RALGAPA2: variants seen among roughly 807,000 people sequenced by gnomAD.
The protein encoded by RALGAPA2 is Ral GTPase activating protein catalytic subunit alpha 2, also known as ral GTPase-activating protein subunit alpha-2.
A neutral mutation model predicts 230.4 loss-of-function variants in RALGAPA2; 139 were observed. That is an observed-to-expected ratio of 0.60 (90% CI 0.53 to 0.69). RALGAPA2 has a LOEUF of 0.69. RALGAPA2 is among the 30% of genes least tolerant of loss of function. The probability of loss-of-function intolerance (pLI) is 0.00; values close to 1 mark genes in which losing one functional copy is unlikely to be tolerated. For synonymous variants in RALGAPA2, 847 were observed against 837.8 expected (o/e 1.01, Z -0.19); for missense variants, 2,163 against 2,276.0 (o/e 0.95, Z 1.01).
chr20:20,393,180 C>T lies in RALGAPA2; in HGVS notation c.*109G>A, dbSNP rs1293768816. Reference sequence around the variant, plus strand: ...TGGGTTTAGTGGCTCGGGGCAGAGGCAGGAGAGGGTGTTCTGTCTCCTCCT... The same window carrying T: ...TGGGTTTAGTGGCTCGGGGCAGAGGTAGGAGAGGGTGTTCTGTCTCCTCCT... On this transcript the variant is annotated 3_prime_UTR_variant, in exon 40 of 40. Transcript: ENST00000202677. 2 of 1,350,628 alleles carry T rather than the reference C, an allele frequency of 1.5e-6. No individual in the cohort carries two copies. The highest frequency in any genetic ancestry group is 1.2e-5 in the South Asian group (1 of 85,134). 83.7% of individuals were successfully genotyped at this position (1,350,628 alleles called of 1,614,324 possible).
chr20:20,681,615 A>G (rs931587089), intron 1 of RALGAPA2, among the ~76,000 whole-genome samples: 1 of 152,218 alleles, frequency 6.6e-6, no homozygotes, highest in African/African-American at 2.4e-5. Context: ...TCAGTAAACA[A>G]GGTTGTTTGT....
chr20:20,514,362 C>T (rs2062808812), intron 31 of RALGAPA2, among the ~76,000 whole-genome samples: 1 of 152,098 alleles, frequency 6.6e-6, no homozygotes. Flanking sequence ...GCAGGGAGCC[C>T]CTCTCTGCTT....
At position 20,502,028 on chromosome 20, in the gene RALGAPA2, C is replaced by T. The variant is rs761157124; in HGVS notation, c.5208+1323G>A. Among the ~76,000 whole-genome samples the T allele has an allele frequency of 2.0e-4, 31 of 152,054 alleles. 1 individual carries two copies. The highest frequency in any genetic ancestry group is 1.5e-5 in the Non-Finnish European group (1 of 68,016). On this transcript the variant is annotated intron_variant, in intron 35 of 39. Coordinates refer to ENST00000202677, the MANE Select transcript of RALGAPA2 (RefSeq NM_020343.4). ...TAGCAACATCAAAGGTCACTGATTA[C>T]AGATCACCATATGAGATAATGATAA... is the stretch of plus-strand genomic sequence containing the variant.
Position 20,712,305 on chromosome 20 carries a change from C to G in RALGAPA2, c.106+70G>C, listed in dbSNP as rs2069914667. On this transcript the variant is annotated intron_variant, in intron 1 of 39. Coordinates refer to ENST00000202677, the MANE Select transcript of RALGAPA2 (RefSeq NM_020343.4). This position sits in a 1 kb window ranked among gnomAD's most constrained non-coding sequence, Gnocchi z 5.5. Reference sequence around the variant, plus strand: ...AGCCTCCCAGCCACCGACCCCTGCACAGAGGAGCGCCCTCCCGGCAGGTGC... The same window carrying G: ...AGCCTCCCAGCCACCGACCCCTGCAGAGAGGAGCGCCCTCCCGGCAGGTGC... The G allele has an allele frequency of 1.4e-6, 2 of 1,461,090 alleles. No homozygotes were observed. The highest frequency in any genetic ancestry group is 1.9e-6 in the Non-Finnish European group (2 of 1,079,458). 90.5% of individuals were successfully genotyped at this position (1,461,090 alleles called of 1,614,324 possible).
chr20:20,567,311 CA>C (rs2064463251), intron 23 of RALGAPA2, among the ~76,000 whole-genome samples: 1 of 152,142 alleles, frequency 6.6e-6, no homozygotes, highest in Non-Finnish European at 1.5e-5. Context: ...TCTTTCATGT[CA>C]AACTATTTTG....
At chr20:20,431,482 G>T (rs1429828075) in intron 37 of RALGAPA2, among the ~76,000 whole-genome samples, 1 of 152,166 alleles carries the variant, frequency 6.6e-6, no homozygotes, top group South Asian at 2.1e-4. Context: ...AGACCAGACA[G>T]GTTTAATGGA....
At chr20:20,561,198 C>G (rs997215522) in intron 23 of RALGAPA2, among the ~76,000 whole-genome samples, 1 of 152,232 alleles carries the variant, frequency 6.6e-6, no homozygotes, top group African/African-American at 2.4e-5. Context: ...TTAGTGTCTC[C>G]TGATGATGAG....
chr20:20,592,511 C>T (rs1439609613), intron 16 of RALGAPA2, among the ~76,000 whole-genome samples: 1 of 152,174 alleles, frequency 6.6e-6, no homozygotes, highest in Admixed American at 6.5e-5. Context: ...ATGCAAGCCC[C>T]ATTGCTCTGT....
intron 9 of RALGAPA2, 59 bp downstream of exon 9, chr20:20,635,359 T>A (rs778752966): frequency 6.8e-7 from 1 of 1,479,050 alleles, no homozygotes; most frequent in Admixed American, 1.9e-5. Flanking sequence ...ACTTTGGCTA[T>A]GTTCCAGTGT....
At chr20:20,609,100 A>T (rs1283018132) in intron 14 of RALGAPA2, among the ~76,000 whole-genome samples, 1 of 152,150 alleles carries the variant, frequency 6.6e-6, no homozygotes, top group Non-Finnish European at 1.5e-5. Flanking sequence ...GGTTCAAGCA[A>T]TCTTCCCACC....
Position 20,643,844 on chromosome 20 carries a change from C to CT in RALGAPA2, c.329-296dup, listed in dbSNP as rs147932263. Among the ~76,000 whole-genome samples, 849 of 147,666 alleles carry CT rather than the reference C, an allele frequency of 5.7e-3. 7 individuals are homozygous for CT. The highest frequency in any genetic ancestry group is 0.02 in the African/African-American group (803 of 40,300). On this transcript the variant is annotated intron_variant, in intron 4 of 39. Coordinates refer to ENST00000202677, the MANE Select transcript of RALGAPA2 (RefSeq NM_020343.4). ...TCTCTTGTCATGCATAAAATGGATG[C>CT]TTTTTTTTTTAATCTCTAAAGGTAA...
At chr20:20,703,096 C>G (rs1011452330) in intron 1 of RALGAPA2, among the ~76,000 whole-genome samples, 1 of 152,004 alleles carries the variant, frequency 6.6e-6, no homozygotes. Context: ...TCACTTCAAC[C>G]CAGGAGGCAG....
At chr20:20,535,946 G>A (rs965576039) in intron 25 of RALGAPA2, 143 bp from the exon 26 acceptor site, 5 of 1,332,904 alleles carry the variant, frequency 3.8e-6, no homozygotes, top group Non-Finnish European at 4.9e-6. Context: ...GAGCCTGGGG[G>A]GAAGAAGAAC....
In RALGAPA2 at chr20:20,412,031, T is replaced by C; in HGVS notation, c.5613A>G (p.Gly1871=). ...FSPSPSYSLS[G]TD is the part of the protein sequence containing the mutation. ...AAGAATAATGTAGACACTCACCCGT[T>C]CCGCTGAGGGAGTAGCTGGGAGAGG... The change falls in exon 38 of 40, where the codon GGA becomes GGG. Residue 1871 remains glycine (G), a synonymous_variant. Coordinates refer to ENST00000202677, the MANE Select transcript of RALGAPA2 (RefSeq NM_020343.4). 6.2e-7 allele frequency: 1 copy of C among 1,613,958 alleles called. No homozygotes were observed. The highest frequency in any genetic ancestry group is 8.5e-7 in the Non-Finnish European group (1 of 1,179,848).
intron 37 of RALGAPA2, among the ~76,000 whole-genome samples, chr20:20,457,188 G>A (rs944515925): frequency 6.6e-6 from 1 of 152,202 alleles, no homozygotes; most frequent in African/African-American, 2.4e-5. Flanking sequence ...TACTAAGAAA[G>A]AGAAGGAGAG....
In RALGAPA2 at chr20:20,554,426, T is replaced by C. The variant is rs2064020734; in HGVS notation, c.3157-7594A>G. On this transcript the variant is annotated intron_variant, in intron 23 of 39. Transcript: ENST00000202677. Reference sequence around the variant, plus strand: ...TCGTCTTTTCATCAGTTGATGGGCATTTAAGCTGTTTCTACCTTTTGGTGA... The same window carrying C: ...TCGTCTTTTCATCAGTTGATGGGCACTTAAGCTGTTTCTACCTTTTGGTGA... 2.0e-5 allele frequency among the ~76,000 whole-genome samples: 3 copies of C among 152,326 alleles called. No individual in the cohort carries two copies. In the South Asian group the frequency reaches 6.2e-4, roughly 32 times the overall value.
chr20:20,499,394 T>A (rs1016385017), intron 35 of RALGAPA2, among the ~76,000 whole-genome samples: 4 of 152,116 alleles, frequency 2.6e-5, no homozygotes, highest in African/African-American at 9.7e-5. Context: ...AATTTTATCT[T>A]TTAACAAAAT....
At chr20:20,557,248 G>A (rs1276802750) in intron 23 of RALGAPA2, among the ~76,000 whole-genome samples, 1 of 152,136 alleles carries the variant, frequency 6.6e-6, no homozygotes, top group Admixed American at 6.5e-5. Context: ...GGCGGAGGTT[G>A]CAGTGAGCCA....
chr20:20,458,090 G>A (rs1007415206), intron 37 of RALGAPA2, among the ~76,000 whole-genome samples: 7 of 152,268 alleles, frequency 4.6e-5, no homozygotes, highest in East Asian at 1.9e-4. Flanking sequence ...TCAGCAATGC[G>A]CCCTTAGCCA....
Sources: gnomAD v4.1 joint callset for allele counts (sites outside exome capture counted in the v4.1 genomes callset) on GRCh38, gnomAD v4.1.1 for gene constraint, Gnocchi (gnomAD v3.1) non-coding constraint, MANE v1.5 for transcripts, NCBI Gene and HGNC (gene_info 2026-07-23, HGNC 2026-07-21) for gene names.